The following HORMAD2 variants were observed in gnomAD, a reference collection of about 807,000 sequenced individuals.
The protein encoded by HORMAD2 is HORMA domain containing 2.
In HORMAD2, 45 loss-of-function variants were observed where a neutral mutation model predicts 38.8. The ratio of observed to expected loss-of-function variants is 1.16; its 90% confidence interval spans 0.91 to 1.49. The LOEUF (loss-of-function observed/expected upper bound fraction) is 1.49. HORMAD2 is among the 40% of genes most tolerant of loss of function. The probability of loss-of-function intolerance (pLI) is 0.00; values close to 1 mark genes in which losing one functional copy is unlikely to be tolerated. For missense variants in HORMAD2, 338 were observed against 367.0 expected, an observed-to-expected ratio of 0.92 and a Z score of 0.65; for synonymous variants, 126 against 122.8, an observed-to-expected ratio of 1.03 and a Z score of -0.17.
upstream of HORMAD2, among the ~76,000 whole-genome samples, chr22:30,078,607 C>CAAAAAAAAA (rs55966787): frequency 0.025 from 705 of 28,086 alleles, 160 homozygotes; most frequent in Middle Eastern, 0.091. Flanking sequence ...CTCTGTCTCA[C>CAAAAAAAAA]AAAAAAAAAA....
intron 3 of HORMAD2, among the ~76,000 whole-genome samples, chr22:30,102,511 A>G (rs976398813): frequency 7.2e-5 from 11 of 152,234 alleles, no homozygotes; most frequent in African/African-American, 2.2e-4. Context: ...ATATCCCTCA[A>G]TAGAGATACA....
intron 10 of HORMAD2, among the ~76,000 whole-genome samples, chr22:30,173,819 T>C (rs1601600333): frequency 6.6e-6 from 1 of 152,246 alleles, no homozygotes; most frequent in Middle Eastern, 3.4e-3. Flanking sequence ...TAGGAGAACA[T>C]TCAAGTAACA....
chr22:30,078,011 G>A (rs752108647), upstream of HORMAD2, among the ~76,000 whole-genome samples: 4 of 152,214 alleles, frequency 2.6e-5, no homozygotes, highest in Admixed American at 6.5e-5. Context: ...CGGTAAAGAT[G>A]AAGGCTTTAC....
At chr22:30,172,923 T>C (rs1055184875) in intron 10 of HORMAD2, among the ~76,000 whole-genome samples, 3 of 151,392 alleles carry the variant, frequency 2.0e-5, no homozygotes, top group African/African-American at 7.3e-5. Context: ...TCAAGGAGTT[T>C]ACACTGTGGA....
At chr22:30,157,023 G>A (rs1028056315) in intron 10 of HORMAD2, among the ~76,000 whole-genome samples, 3 of 152,070 alleles carry the variant, frequency 2.0e-5, no homozygotes, top group African/African-American at 7.2e-5. Flanking sequence ...TTAATTCTAA[G>A]CCAAAATATA....
chr22:30,179,463 G>A (rs1370687299), downstream of HORMAD2, among the ~76,000 whole-genome samples: 1 of 152,152 alleles, frequency 6.6e-6, no homozygotes, highest in Admixed American at 6.6e-5. Context: ...TAGAGAAGGA[G>A]GACACCCTTG....
the HORMAD2 span, among the ~76,000 whole-genome samples, chr22:30,186,281 G>A: frequency 1.3e-5 from 2 of 151,020 alleles, no homozygotes; most frequent in African/African-American, 4.9e-5. Flanking sequence ...CATCAGTGGT[G>A]ATTTTATATG....
chr22:30,104,419 T>G lies in HORMAD2; in HGVS notation c.276T>G (p.Asp92Glu), dbSNP rs770347442. 1 of 1,611,584 alleles carries G rather than the reference T, an allele frequency of 6.2e-7. No individual in the cohort carries two copies. Among genetic ancestry groups the G allele is most frequent in the Non-Finnish European group, 8.5e-7 (1 of 1,178,576 alleles). ...TTGACAGGATTCAAGGTTGTTTTGATGCTTTGGAAAAGAGATACGTAAGAA... is the reference window on the plus strand; with the variant it reads ...TTGACAGGATTCAAGGTTGTTTTGAGGCTTTGGAAAAGAGATACGTAAGAA... Reference protein sequence around the residue: ...HIIRWIQGCFDALEKRYLRMA... With the variant: ...HIIRWIQGCFEALEKRYLRMA... Residue 92 changes from aspartate to glutamate, a missense_variant, in exon 5 of 11, where the codon GAT becomes GAG. By Grantham distance (45) the Asp-to-Glu change is conservative. Transcript: ENST00000336726.
the HORMAD2 span, among the ~76,000 whole-genome samples, chr22:30,185,309 C>T: frequency 5.9e-5 from 9 of 152,190 alleles, no homozygotes; most frequent in African/African-American, 1.7e-4. Context: ...AAGCGAGCTT[C>T]GTCGGAACCT....
At chr22:30,111,529 C>T (rs1395129946) in intron 5 of HORMAD2, among the ~76,000 whole-genome samples, 1 of 151,928 alleles carries the variant, frequency 6.6e-6, no homozygotes, top group Non-Finnish European at 1.5e-5. Context: ...AGATGTGAAA[C>T]CCAGATATGG....
intron 1 of HORMAD2, among the ~76,000 whole-genome samples, chr22:30,087,245 A>G (rs912710000): frequency 6.6e-6 from 1 of 152,194 alleles, no homozygotes; most frequent in African/African-American, 2.4e-5. Flanking sequence ...TTGAGCAACT[A>G]GGTATGTGAT....
chr22:30,205,457 AG>A, the HORMAD2 span, among the ~76,000 whole-genome samples: 4 of 152,306 alleles, frequency 2.6e-5, no homozygotes, highest in Admixed American at 6.5e-5. Flanking sequence ...AGTGAGAACC[AG>A]AGAAGGCCGG....
chr22:30,172,159 C>A (rs1484729785), intron 10 of HORMAD2, among the ~76,000 whole-genome samples: 1 of 152,074 alleles, frequency 6.6e-6, no homozygotes, highest in Non-Finnish European at 1.5e-5. Flanking sequence ...GTATGAAAGA[C>A]CATTTTTGGA....
the HORMAD2 span, among the ~76,000 whole-genome samples, chr22:30,184,221 T>C: frequency 2.0e-5 from 3 of 152,190 alleles, no homozygotes; most frequent in Non-Finnish European, 2.9e-5. Context: ...GAGGAGTCTA[T>C]TAAAGGAATT....
At chr22:30,106,176 A>G (rs757034238) in intron 5 of HORMAD2, among the ~76,000 whole-genome samples, 1 of 151,930 alleles carries the variant, frequency 6.6e-6, no homozygotes, top group South Asian at 2.1e-4. Context: ...ACACTCGGCT[A>G]ATTTTTGTAT....
chr22:30,152,595 T>C (rs1924818245), intron 10 of HORMAD2, among the ~76,000 whole-genome samples: 1 of 152,222 alleles, frequency 6.6e-6, no homozygotes, highest in South Asian at 2.1e-4. Context: ...CCTCTCAAAG[T>C]GTTGGGATTA....
In HORMAD2 at chr22:30,081,538, G is replaced by A. The variant is rs187418219; in HGVS notation, c.-38+1047G>A. On this transcript the variant is annotated intron_variant, in intron 1 of 10. Transcript: ENST00000336726. ...GGTCTAAGTAATTGGGCGAACTTTGGCAAACCAAGTTCCCTTGCTTAGCCT... is the reference window on the plus strand; with the variant it reads ...GGTCTAAGTAATTGGGCGAACTTTGACAAACCAAGTTCCCTTGCTTAGCCT... 8.5e-5 allele frequency among the ~76,000 whole-genome samples: 13 copies of A among 152,096 alleles called. No homozygotes were observed. In the East Asian group the frequency reaches 2.1e-3, roughly 25 times the overall value.
chr22:30,111,469 G>A (rs1921649842), intron 5 of HORMAD2, among the ~76,000 whole-genome samples: 1 of 152,132 alleles, frequency 6.6e-6, no homozygotes, highest in Non-Finnish European at 1.5e-5. Context: ...CTGGGTGACA[G>A]AGTGAGACTC....
chr22:30,110,982 C>A (rs1921595608), intron 5 of HORMAD2, among the ~76,000 whole-genome samples: 1 of 150,658 alleles, frequency 6.6e-6, no homozygotes, highest in South Asian at 2.1e-4. Context: ...ATGGTGAAAC[C>A]CTGTCTCTAC....
Sources: allele counts gnomAD v4.1 joint callset (sites outside exome capture counted in the v4.1 genomes callset), GRCh38; gene constraint gnomAD v4.1.1; transcripts MANE v1.5; gene names NCBI Gene and HGNC (gene_info 2026-07-23, HGNC 2026-07-21).